The following SLC4A10 variants were observed in gnomAD, a reference collection of about 807,000 sequenced individuals.
SLC4A10 encodes sodium-driven chloride bicarbonate exchanger.
In SLC4A10, 42 loss-of-function variants were observed where a neutral mutation model predicts 137.7. The observed-to-expected ratio is 0.30, with a 90% CI of 0.24 to 0.39. The LOEUF (loss-of-function observed/expected upper bound fraction) is 0.39. SLC4A10 is among the 10% of genes least tolerant of loss of function. The pLI is 1.00. For synonymous variants in SLC4A10, 474 were observed against 464.1 expected (o/e 1.02, Z -0.27); for missense variants, 925 against 1,355.0 (o/e 0.68, Z 4.98).
At chr2:161,859,209 T>G (rs865865216) in intron 5 of SLC4A10, among the ~76,000 whole-genome samples, 2 of 152,272 alleles carry the variant, frequency 1.3e-5, no homozygotes, top group Middle Eastern at 6.8e-3. Flanking sequence ...TATGATAAAA[T>G]AGTTATCTGA....
intron 8 of SLC4A10, among the ~76,000 whole-genome samples, chr2:161,875,849 C>T (rs2061421315): frequency 6.6e-6 from 1 of 152,196 alleles, no homozygotes; most frequent in African/African-American, 2.4e-5. Flanking sequence ...GAGAGCTGCT[C>T]AAGATCACTG....
chr2:161,728,530 G>A (rs747107388), intron 1 of SLC4A10, among the ~76,000 whole-genome samples: 19 of 151,882 alleles, frequency 1.3e-4, no homozygotes, highest in African/African-American at 1.9e-4. Flanking sequence ...AGCTGAAATC[G>A]CGCCCTGTAC....
At chr2:161,732,524 A>G (rs1196820240) in intron 1 of SLC4A10, among the ~76,000 whole-genome samples, 8 of 152,252 alleles carry the variant, frequency 5.3e-5, no homozygotes, top group Admixed American at 5.2e-4. Flanking sequence ...CTAGATTTCC[A>G]TTCAGTCACT....
intron 1 of SLC4A10, among the ~76,000 whole-genome samples, chr2:161,635,235 A>G (rs2034220497): frequency 6.6e-6 from 1 of 152,034 alleles, no homozygotes; most frequent in South Asian, 2.1e-4. Context: ...GTGGATGCCT[A>G]ATAATTTCTC....
chr2:161,897,426 G>A (rs1305850381), intron 11 of SLC4A10, among the ~76,000 whole-genome samples: 2 of 151,988 alleles, frequency 1.3e-5, no homozygotes. Context: ...AGCGGCAGAT[G>A]GTCTAATTGA....
chr2:161,879,251 T>C lies in SLC4A10; in HGVS notation c.1069T>C (p.Leu357=). The C allele has an allele frequency of 1.2e-6, 2 of 1,613,048 alleles. No homozygotes were observed. The highest frequency in any genetic ancestry group is 1.7e-6 in the Non-Finnish European group (2 of 1,179,220). The change falls in exon 9 of 27, where the codon TTG becomes CTG. Residue 357 remains leucine, a synonymous_variant. Transcript: ENST00000446997. ...GTTTGTCAGGTTGTCTCCAGCTGTA[T>C]TGCTTCAAGGACTGGCTGAAGTCCC... ...VAFVRLSPAV[L]LQGLAEVPIP...
intron 4 of SLC4A10, among the ~76,000 whole-genome samples, chr2:161,844,716 A>G (rs896785381): frequency 1.8e-4 from 27 of 152,198 alleles, no homozygotes; most frequent in Non-Finnish European, 2.9e-4. Flanking sequence ...TTGGCAGAAT[A>G]ATTTTATTCT....
intron 1 of SLC4A10, among the ~76,000 whole-genome samples, chr2:161,716,248 A>T (rs2044862101): frequency 6.6e-6 from 1 of 150,472 alleles, no homozygotes; most frequent in South Asian, 2.1e-4. Context: ...TGCCAGATGG[A>T]TGGATTGCAA....
chr2:161,873,771 T>C (rs1008890767), intron 7 of SLC4A10, 145 bp from the exon 8 acceptor site: 3 of 713,818 alleles, frequency 4.2e-6, no homozygotes, highest in Non-Finnish European at 6.8e-6. Context: ...TTAATAGTGA[T>C]CAGCTCCTTG....
At chr2:161,672,089 A>G (rs2039791036) in intron 1 of SLC4A10, among the ~76,000 whole-genome samples, 1 of 152,146 alleles carries the variant, frequency 6.6e-6, no homozygotes. Flanking sequence ...CGTAGGGTAC[A>G]TGGTGGGATG....
At chr2:161,826,184 A>G (rs193139462) in intron 3 of SLC4A10, among the ~76,000 whole-genome samples, 5 of 152,286 alleles carry the variant, frequency 3.3e-5, no homozygotes, top group African/African-American at 1.2e-4. Flanking sequence ...CTTCAAGGAG[A>G]CTGGAGACAT....
intron 1 of SLC4A10, among the ~76,000 whole-genome samples, chr2:161,628,118 A>G (rs1188662766): frequency 6.6e-6 from 1 of 152,132 alleles, no homozygotes; most frequent in Non-Finnish European, 1.5e-5. Context: ...TTAGGATTGC[A>G]TTATGATTTC....
Position 161,983,235 on chromosome 2 carries a change from C to T in SLC4A10, c.*83C>T. ...TCAGGGAAAGGTGTTGACAGGGAGA[C>T]TTGTCTATGACTCGATCTTCAATTT... On this transcript the variant is annotated 3_prime_UTR_variant, in exon 27 of 27. Coordinates refer to ENST00000446997, the MANE Select transcript of SLC4A10 (RefSeq NM_001178015.2). The T allele has an allele frequency of 6.5e-7, 1 of 1,536,622 alleles. No homozygotes were observed. Among genetic ancestry groups the T allele is most frequent in the Non-Finnish European group, 8.7e-7 (1 of 1,146,928 alleles).
At chr2:161,754,777 A>G (rs2049407153) in intron 1 of SLC4A10, among the ~76,000 whole-genome samples, 1 of 152,190 alleles carries the variant, frequency 6.6e-6, no homozygotes, top group African/African-American at 2.4e-5. Flanking sequence ...ATATTCTTAT[A>G]TATACTTTCA....
chr2:161,983,523 G>A lies in SLC4A10; in HGVS notation c.*371G>A. The A allele has an allele frequency of 2.9e-6, 1 of 343,550 alleles. No homozygotes were observed. Among genetic ancestry groups the A allele is most frequent in the South Asian group, 6.4e-5 (1 of 15,552 alleles). 21.3% of individuals were successfully genotyped at this position (343,550 alleles called of 1,614,324 possible). A position where few individuals can be genotyped will look rare whatever the true frequency, so the allele number is the denominator to read the frequency against. Reference sequence around the variant, plus strand: ...GATTGTCAGTTTTATGAGAGCAATAGCTTCCTTAAAGAGATAAGTCATATT... The same window carrying A: ...GATTGTCAGTTTTATGAGAGCAATAACTTCCTTAAAGAGATAAGTCATATT... On this transcript the variant is annotated 3_prime_UTR_variant, in exon 27 of 27. Transcript: ENST00000446997.
At chr2:161,839,261 C>T (rs543592779) in intron 3 of SLC4A10, among the ~76,000 whole-genome samples, 1 of 152,252 alleles carries the variant, frequency 6.6e-6, no homozygotes, top group Admixed American at 6.5e-5. Context: ...TTTGCAAAGG[C>T]AAAGCTAGCA....
intron 1 of SLC4A10, among the ~76,000 whole-genome samples, chr2:161,696,074 C>T (rs1252741914): frequency 2.6e-5 from 4 of 151,714 alleles, no homozygotes; most frequent in African/African-American, 9.7e-5. Context: ...TCCCCCCACC[C>T]CACGACAGGC....
At chr2:161,791,387 A>G (rs1357100276) in intron 2 of SLC4A10, among the ~76,000 whole-genome samples, 1 of 152,164 alleles carries the variant, frequency 6.6e-6, no homozygotes, top group Non-Finnish European at 1.5e-5. Context: ...AATACCACAT[A>G]TTCTCACTTA....
chr2:161,693,084 G>A (rs995440772), intron 1 of SLC4A10, among the ~76,000 whole-genome samples: 7 of 151,982 alleles, frequency 4.6e-5, no homozygotes, highest in African/African-American at 1.7e-4. Context: ...CAGAACTGGA[G>A]AAAAAGGCAA....
Sources: gnomAD v4.1 joint callset for allele counts (sites outside exome capture counted in the v4.1 genomes callset) on GRCh38, gnomAD v4.1.1 for gene constraint, MANE v1.5 for transcripts, NCBI Gene and HGNC (gene_info 2026-07-23, HGNC 2026-07-21) for gene names.